ANP32B: variants seen among roughly 807,000 people sequenced by gnomAD.
ANP32B encodes the protein acidic nuclear phosphoprotein 32 family member B, also known as acidic leucine-rich nuclear phosphoprotein 32 family member B.
Under a neutral mutation model 32.2 loss-of-function variants are expected in ANP32B, and 6 were observed. The observed-to-expected ratio is 0.19, with a 90% confidence interval of 0.10 to 0.37. The LOEUF (loss-of-function observed/expected upper bound fraction) is 0.37. ANP32B is among the 10% of genes least tolerant of loss of function. The pLI is 1.00. For missense variants in ANP32B, 204 were observed against 289.2 expected, an observed-to-expected ratio of 0.71 and a Z score of 2.14; for synonymous variants, 98 against 105.8, an observed-to-expected ratio of 0.93 and a Z score of 0.45.
intron 1 of ANP32B, among the ~76,000 whole-genome samples, chr9:97,993,793 G>T (rs900555322): frequency 5.9e-5 from 9 of 152,114 alleles, no homozygotes; most frequent in Non-Finnish European, 1.5e-5. Context: ...TCGCCATCTT[G>T]CCTGGCTAAT....
chr9:98,008,799 A>G (rs1480911782), intron 4 of ANP32B, among the ~76,000 whole-genome samples: 1 of 152,220 alleles, frequency 6.6e-6, no homozygotes, highest in African/African-American at 2.4e-5. Context: ...GATGAGTTGT[A>G]TAATTATATC....
Position 97,983,364 on chromosome 9 carries a change from C to T in ANP32B, c.-192C>T, listed in dbSNP as rs1827626646. ...CCCTTTTCCCTCCATGGTTTCTCTC[C>T]GCTCCCGTGAGTAACTTGGCTCCGG... On this transcript the variant is annotated 5_prime_UTR_variant, in exon 1 of 7. Coordinates refer to ENST00000339399, the MANE Select transcript of ANP32B (RefSeq NM_006401.3). The T allele has an allele frequency of 1.8e-6, 1 of 550,290 alleles. No homozygotes were observed. The allele number at this position is 550,290 out of a possible 1,614,324, so 34.1% of individuals were successfully genotyped here. A position where few individuals can be genotyped will look rare whatever the true frequency, so the allele number is the denominator to read the frequency against.
At chr9:98,001,667 T>C (rs980787958) in intron 3 of ANP32B, among the ~76,000 whole-genome samples, 2 of 152,050 alleles carry the variant, frequency 1.3e-5, no homozygotes, top group African/African-American at 4.8e-5. Context: ...GTGGGAGTTG[T>C]TTGCTTGAGT....
intron 3 of ANP32B, among the ~76,000 whole-genome samples, chr9:98,000,092 T>C (rs997375700): frequency 5.9e-5 from 9 of 152,368 alleles, no homozygotes; most frequent in Admixed American, 2.0e-4. Context: ...TAAACAATTA[T>C]TGAGACTGCT....
intron 4 of ANP32B, among the ~76,000 whole-genome samples, chr9:98,009,332 T>A (rs1828141072): frequency 6.6e-6 from 1 of 152,250 alleles, no homozygotes; most frequent in South Asian, 2.1e-4. Context: ...ATGCTGAGTT[T>A]GTTTATTCTC....
rs763207163 is a variant in ANP32B, at chr9:97,998,788, C to CT, written c.327+147dup. The CT allele has an allele frequency of 4.3e-3, 114 of 26,346 alleles. 52 individuals are homozygous for CT. Among genetic ancestry groups the CT allele is most frequent in the East Asian group, 8.0e-3 (11 of 1,382 alleles). 1.6% of individuals were successfully genotyped at this position (26,346 alleles called of 1,614,324 possible). ...TAATAATTGGTTGAGAAAGTGGTGG[C>CT]TTTTTTTTTTTTTTTTTTTTTTTTT... On this transcript the variant is annotated intron_variant, in intron 3 of 6. Coordinates refer to ENST00000339399, the MANE Select transcript of ANP32B (RefSeq NM_006401.3).
At chr9:97,986,864 CA>C (rs1208351649) in intron 1 of ANP32B, 2 of 152,196 alleles carry the variant, frequency 1.3e-5, no homozygotes, top group Non-Finnish European at 2.9e-5. Context: ...ATTTTAAAGT[CA>C]AGTGAGATTT....
chr9:98,010,792 G>C (rs1412091725), intron 4 of ANP32B, among the ~76,000 whole-genome samples: 3 of 151,990 alleles, frequency 2.0e-5, no homozygotes, highest in African/African-American at 7.3e-5. Flanking sequence ...TTCCTGATTT[G>C]AGCAGCTGAC....
intron 1 of ANP32B, among the ~76,000 whole-genome samples, chr9:97,985,850 GTCTC>G (rs992759183): frequency 6.6e-6 from 1 of 151,766 alleles, no homozygotes; most frequent in African/African-American, 2.4e-5. Flanking sequence ...TTGAGACTGA[GTCTC>G]TCTCTTGCCC....
chr9:97,993,216 G>T (rs1478857663), intron 1 of ANP32B, among the ~76,000 whole-genome samples: 2 of 151,608 alleles, frequency 1.3e-5, no homozygotes, highest in African/African-American at 2.4e-5. Context: ...CACTTACTAT[G>T]TTGTGGGCAT....
chr9:98,015,541 A>ACACC lies in ANP32B; in HGVS notation c.*121_*124dup. 3 of 1,422,382 alleles carry ACACC rather than the reference A, an allele frequency of 2.1e-6. No homozygotes were observed. Among genetic ancestry groups the ACACC allele is most frequent in the Non-Finnish European group, 1.8e-6 (2 of 1,085,068 alleles). 88.1% of individuals were successfully genotyped at this position (1,422,382 alleles called of 1,614,324 possible). A position where few individuals can be genotyped will look rare whatever the true frequency, so the allele number is the denominator to read the frequency against. ...AGGTAGCTGTGATACAAACCCCAGG[A>ACACC]CACCCACCCACCCAAAGAGCCAAAG... On this transcript the variant is annotated 3_prime_UTR_variant, in exon 7 of 7. Transcript: ENST00000339399.
chr9:98,001,552 G>A (rs1044199757), intron 3 of ANP32B, among the ~76,000 whole-genome samples: 13 of 152,170 alleles, frequency 8.5e-5, no homozygotes, highest in Admixed American at 7.2e-4. Context: ...TTGGCCAGTT[G>A]ATGACTGGCC....
intron 2 of ANP32B, 139 bp from the exon 3 acceptor site, chr9:97,998,417 C>T: frequency 1.2e-6 from 1 of 845,608 alleles, no homozygotes; most frequent in Non-Finnish European, 1.7e-6. Context: ...ACAAAATGAA[C>T]ATGCATGCCC....
intron 2 of ANP32B, 77 bp downstream of exon 2, chr9:97,994,857 A>G: frequency 1.4e-6 from 2 of 1,419,198 alleles, no homozygotes; most frequent in Non-Finnish European, 1.9e-6. Flanking sequence ...GTAAGGAAGC[A>G]CTTAGTGTAG....
At chr9:98,005,252 A>T (rs1828059422) in intron 4 of ANP32B, 99 bp downstream of exon 4, 4 of 1,193,602 alleles carry the variant, frequency 3.4e-6, no homozygotes, top group Non-Finnish European at 4.7e-6. Flanking sequence ...CACAACCGTA[A>T]TCCCAGCACT....
At chr9:97,993,139 TG>T (rs971724704) in intron 1 of ANP32B, among the ~76,000 whole-genome samples, 23 of 152,162 alleles carry the variant, frequency 1.5e-4, no homozygotes, top group African/African-American at 5.5e-4. Flanking sequence ...AGTAAGTGGA[TG>T]TAAAGAGTAA....
intron 1 of ANP32B, 36 bp downstream of exon 1, chr9:97,983,645 A>T: frequency 6.6e-7 from 1 of 1,504,636 alleles, no homozygotes; most frequent in Non-Finnish European, 9.0e-7. Context: ...CTCTCCCCCG[A>T]TGACTTGCAT....
chr9:97,984,789 A>C (rs1365203521), intron 1 of ANP32B: 3 of 145,500 alleles, frequency 2.1e-5, no homozygotes, highest in Admixed American at 6.7e-5. Flanking sequence ...CGCGCTGCCG[A>C]CCCCCTCCCC....
chr9:97,997,057 A>C (rs1172309935), intron 2 of ANP32B, among the ~76,000 whole-genome samples: 1 of 151,994 alleles, frequency 6.6e-6, no homozygotes, highest in Non-Finnish European at 1.5e-5. Context: ...TGTTATTCCT[A>C]CTCCCTAAGA....
Sources: gnomAD v4.1 joint callset for allele counts (sites outside exome capture counted in the v4.1 genomes callset) on GRCh38, gnomAD v4.1.1 for gene constraint, MANE v1.5 for transcripts, NCBI Gene and HGNC (gene_info 2026-07-23, HGNC 2026-07-21) for gene names.